Variants in KCNQ1 observed in about 807,000 individuals in gnomAD.
KCNQ1 encodes potassium voltage-gated channel subfamily KQT member 1.
KCNQ1 carries 49 observed loss-of-function variants against 72.4 expected under a neutral mutation model. The ratio of observed to expected loss-of-function variants is 0.68; its 90% CI spans 0.54 to 0.86. The LOEUF (loss-of-function observed/expected upper bound fraction) is 0.86. Among genes scored for constraint, KCNQ1 ranks in the 40% least tolerant of loss-of-function variants. The probability of loss-of-function intolerance (pLI) is 0.00; values close to 1 mark genes in which losing one functional copy is unlikely to be tolerated. For missense variants in KCNQ1, 790 were observed against 945.1 expected (o/e 0.84, Z 2.15); for synonymous variants, 450 against 412.6 (o/e 1.09, Z -1.10).
Position 2,782,716 on chromosome 11 carries a change from C to T in KCNQ1, c.1794+4679C>T, listed in dbSNP as rs1846844178. Among the ~76,000 whole-genome samples the T allele has an allele frequency of 6.6e-6, 1 of 152,030 alleles. No individual in the cohort carries two copies. The highest frequency in any genetic ancestry group is 2.4e-5 in the African/African-American group (1 of 41,388). The stretch of plus-strand genomic sequence containing the variant: ...AATTTATACATTTCATTTTAGTTTC[C>T]ATGTTCATTGGCATTTATTATAATT... On this transcript the variant is annotated intron_variant, in intron 15 of 15. Transcript: ENST00000155840. The surrounding 1 kb of genome is among the most constrained non-coding windows in gnomAD (Gnocchi z 6.1).
intron 2 of KCNQ1, among the ~76,000 whole-genome samples, chr11:2,557,152 A>C (rs540531633): frequency 3.3e-5 from 5 of 152,356 alleles, no homozygotes; most frequent in African/African-American, 1.2e-4. Flanking sequence ...GCAAGCTAAA[A>C]GAAGAAAAGG....
intron 10 of KCNQ1, chr11:2,643,579 A>G (rs1849613857): frequency 2.5e-6 from 1 of 398,434 alleles, no homozygotes; most frequent in East Asian, 3.6e-5. Flanking sequence ...TAGCATTTAG[A>G]TGGGTCATGT....
At chr11:2,770,478 G>A (rs751912468) in intron 12 of KCNQ1, among the ~76,000 whole-genome samples, 19 of 152,204 alleles carry the variant, frequency 1.2e-4, no homozygotes, top group Non-Finnish European at 2.5e-4. Context: ...GCGGGCCCTC[G>A]TTCTGGCCAC....
chr11:2,649,393 T>G (rs918111285), intron 10 of KCNQ1: 2 of 398,468 alleles, frequency 5.0e-6, no homozygotes, highest in African/African-American at 4.1e-5. Context: ...TATGCTTTTG[T>G]AGTTTCATGA....
In KCNQ1 at chr11:2,647,839, C is replaced by A. The variant is rs1043041037; in HGVS notation, c.1394-14122C>A. 4 of 398,354 alleles carry A rather than the reference C, an allele frequency of 1.0e-5. No individual in the cohort carries two copies. Among genetic ancestry groups the A allele is most frequent in the Middle Eastern group, 6.3e-4 (1 of 1,588 alleles). The allele number at this position is 398,354 out of a possible 1,614,324, so 24.7% of individuals were successfully genotyped here. A position where few individuals can be genotyped will look rare whatever the true frequency, so the allele number is the denominator to read the frequency against. ...TATTTCTGTGGTGTCCATTGTAAGT[C>A]TCCTTTTTCATTTCTGATTTTATTT... On this transcript the variant is annotated intron_variant, in intron 10 of 15. Coordinates refer to ENST00000155840, the MANE Select transcript of KCNQ1 (RefSeq NM_000218.3). The surrounding 1 kb of genome is among the most constrained non-coding windows in gnomAD (Gnocchi z 4.0).
At position 2,468,787 on chromosome 11, in the gene KCNQ1, C is replaced by T. The variant is rs1295556342; in HGVS notation, c.386+23303C>T. 6.6e-6 allele frequency among the ~76,000 whole-genome samples: 1 copy of T among 152,190 alleles called. No homozygotes were observed. Among genetic ancestry groups the T allele is most frequent in the Non-Finnish European group, 1.5e-5 (1 of 68,040 alleles). ...GTAGAGCCTACTTTGCCGATCCATG[C>T]ACCTGTTGATGGACATGTGGGCGGC... On this transcript the variant is annotated intron_variant, in intron 1 of 15. Transcript: ENST00000155840. This position sits in a 1 kb window ranked among gnomAD's most constrained non-coding sequence, Gnocchi z 5.7.
At chr11:2,465,246 C>A (rs1380303679) in intron 1 of KCNQ1, among the ~76,000 whole-genome samples, 1 of 152,202 alleles carries the variant, frequency 6.6e-6, no homozygotes, top group African/African-American at 2.4e-5. Context: ...TGCAGTGCGA[C>A]CTCCTGGGCT....
rs538125328 is a variant in KCNQ1, at chr11:2,620,953, T to G, written c.1393+32099T>G. ...TGTTGTTGTTGTTTTGTTTTGTTTTTTTTTGTCTGTTTTTTGCTTTTTTGT... is the reference window on the plus strand; with the variant it reads ...TGTTGTTGTTGTTTTGTTTTGTTTTGTTTTGTCTGTTTTTTGCTTTTTTGT... On this transcript the variant is annotated intron_variant, in intron 10 of 15. Coordinates refer to ENST00000155840, the MANE Select transcript of KCNQ1 (RefSeq NM_000218.3). This position sits in a 1 kb window ranked among gnomAD's most constrained non-coding sequence, Gnocchi z 4.5. The G allele has an allele frequency of 8.0e-4, 320 of 397,578 alleles. 1 individual carries two copies. The highest frequency in any genetic ancestry group is 3.3e-4 in the Non-Finnish European group (74 of 225,888). The allele number at this position is 397,578 out of a possible 1,614,324, so 24.6% of individuals were successfully genotyped here.
intron 7 of KCNQ1, among the ~76,000 whole-genome samples, chr11:2,584,811 C>T (rs1848568988): frequency 1.3e-5 from 2 of 152,082 alleles, no homozygotes; most frequent in African/African-American, 4.8e-5. Context: ...CCTTTGCATC[C>T]CATCAACCGT....
rs1417012831 is a variant in KCNQ1 at position 2,720,365 on chromosome 11, C to G, written c.1515-48479C>G. Among the ~76,000 whole-genome samples, 1 of 152,186 alleles carries G rather than the reference C, an allele frequency of 6.6e-6. No individual in the cohort carries two copies. On this transcript the variant is annotated intron_variant, in intron 11 of 15. Transcript: ENST00000155840. This position sits in a 1 kb window ranked among gnomAD's most constrained non-coding sequence, Gnocchi z 5.1. Reference sequence around the variant, plus strand: ...GGCTCAGCCGCCTTCCGGGGCCCGGCTACAGTCAGGCCTCCTTCGTGCTGA... The same window carrying G: ...GGCTCAGCCGCCTTCCGGGGCCCGGGTACAGTCAGGCCTCCTTCGTGCTGA...
At position 2,496,465 on chromosome 11, in the gene KCNQ1, T is replaced by A. The variant is rs548752446; in HGVS notation, c.387-31463T>A. On this transcript the variant is annotated intron_variant, in intron 1 of 15. Coordinates refer to ENST00000155840, the MANE Select transcript of KCNQ1 (RefSeq NM_000218.3). ...AAAAATAAAAAATAAAAAATAAAAT[T>A]AAAAAAAATGGCTAGGATCACAACC... 4.8e-3 allele frequency among the ~76,000 whole-genome samples: 633 copies of A among 132,402 alleles called. 3 individuals carry two copies. Among genetic ancestry groups the A allele is most frequent in the South Asian group, 0.021 (88 of 4,094 alleles). 86.9% of individuals were successfully genotyped at this position (132,402 alleles called of 152,430 possible).
Position 2,784,279 on chromosome 11 carries a change from G to A in KCNQ1, c.1794+6242G>A, listed in dbSNP as rs1185328818. ...TTGAAAATACCCCATTTCCTCCTTT[G>A]AATTATCATGGCTTCTTGGTCAAAA... On this transcript the variant is annotated intron_variant, in intron 15 of 15. Transcript: ENST00000155840. The surrounding 1 kb of genome is among the most constrained non-coding windows in gnomAD (Gnocchi z 4.7). Among the ~76,000 whole-genome samples, 1 of 151,702 alleles carries A rather than the reference G, an allele frequency of 6.6e-6. No individual in the cohort carries two copies. The highest frequency in any genetic ancestry group is 1.5e-5 in the Non-Finnish European group (1 of 67,756).
intron 6 of KCNQ1, among the ~76,000 whole-genome samples, chr11:2,576,353 G>A (rs938773636): frequency 2.0e-5 from 3 of 152,188 alleles, no homozygotes; most frequent in African/African-American, 2.4e-5. Flanking sequence ...TGAGTGTGGC[G>A]CCTGCCCTGG....
intron 2 of KCNQ1, among the ~76,000 whole-genome samples, chr11:2,554,044 T>C (rs1848033037): frequency 6.6e-6 from 1 of 152,174 alleles, no homozygotes; most frequent in African/African-American, 2.4e-5. Context: ...AACACCTTTT[T>C]GGATGTGACT....
chr11:2,822,765 G>A (rs190246009), intron 15 of KCNQ1, among the ~76,000 whole-genome samples: 16 of 152,282 alleles, frequency 1.1e-4, no homozygotes, highest in Admixed American at 2.6e-4. Context: ...TCAGAACAGG[G>A]GGAGCCCCAA....
At position 2,676,071 on chromosome 11, in the gene KCNQ1, A is replaced by T. The variant is rs985542959; in HGVS notation, c.1514+13990A>T. The stretch of plus-strand genomic sequence containing the variant: ...GCATCTTTCCAGACGTATTTTATAT[A>T]AACAAATATACGTGTGTCTGTGTGT... On this transcript the variant is annotated intron_variant, in intron 11 of 15. Transcript: ENST00000155840. This position sits in a 1 kb window ranked among gnomAD's most constrained non-coding sequence, Gnocchi z 4.2. 1.5e-5 allele frequency: 6 copies of T among 398,572 alleles called. No individual in the cohort carries two copies. Among genetic ancestry groups the T allele is most frequent in the African/African-American group, 1.2e-4 (6 of 48,646 alleles). The allele number at this position is 398,572 out of a possible 1,614,324, so 24.7% of individuals were successfully genotyped here. A position where few individuals can be genotyped will look rare whatever the true frequency, so the allele number is the denominator to read the frequency against.
intron 11 of KCNQ1, among the ~76,000 whole-genome samples, chr11:2,729,320 G>C (rs1022581450): frequency 2.6e-5 from 4 of 152,246 alleles, no homozygotes; most frequent in Admixed American, 6.5e-5. Context: ...TATACAATGG[G>C]GGTAATAAAG....
rs1200205630 is a variant in KCNQ1 at position 2,803,876 on chromosome 11, C to G, written c.1794+25839C>G. On this transcript the variant is annotated intron_variant, in intron 15 of 15. Coordinates refer to ENST00000155840, the MANE Select transcript of KCNQ1 (RefSeq NM_000218.3). The surrounding 1 kb of genome is among the most constrained non-coding windows in gnomAD (Gnocchi z 6.4). ...TATGCACACTCAGGTACTCAGGACA[C>G]CCCACACCAGCCATTGGATGGGGCC... 6.6e-6 allele frequency among the ~76,000 whole-genome samples: 1 copy of G among 152,196 alleles called. No individual in the cohort carries two copies. Among genetic ancestry groups the G allele is most frequent in the African/African-American group, 2.4e-5 (1 of 41,438 alleles).
In KCNQ1 at chr11:2,682,666, G is replaced by A; in HGVS notation, c.1514+20585G>A. The A allele has an allele frequency of 2.5e-6, 1 of 398,628 alleles. No individual in the cohort carries two copies. The highest frequency in any genetic ancestry group is 4.4e-5 in the Admixed American group (1 of 22,734). 24.7% of individuals were successfully genotyped at this position (398,628 alleles called of 1,614,324 possible). A position where few individuals can be genotyped will look rare whatever the true frequency, so the allele number is the denominator to read the frequency against. On this transcript the variant is annotated intron_variant, in intron 11 of 15. Coordinates refer to ENST00000155840, the MANE Select transcript of KCNQ1 (RefSeq NM_000218.3). The surrounding 1 kb of genome is among the most constrained non-coding windows in gnomAD (Gnocchi z 5.8). Reference sequence around the variant, plus strand: ...GCTTCCCCAGGGCTCATGTCCACATGCTATTGTCCATAGAAGCTGGGGTCC... The same window carrying A: ...GCTTCCCCAGGGCTCATGTCCACATACTATTGTCCATAGAAGCTGGGGTCC...
Sources: gnomAD v4.1 joint callset for allele counts (sites outside exome capture counted in the v4.1 genomes callset) on GRCh38, gnomAD v4.1.1 for gene constraint, Gnocchi (gnomAD v3.1) non-coding constraint, MANE v1.5 for transcripts, NCBI Gene and HGNC (gene_info 2026-07-23, HGNC 2026-07-21) for gene names.